Variants in ANXA8 observed in about 807,000 individuals in gnomAD.
ANXA8 encodes the protein VAC-beta.
Under a neutral mutation model 26.8 loss-of-function variants are expected in ANXA8, and 9 were observed. The observed-to-expected ratio is 0.34, with a 90% confidence interval of 0.20 to 0.59. The LOEUF (loss-of-function observed/expected upper bound fraction) is 0.59, where lower values mean the gene tolerates loss of function less well. Among genes scored for constraint, ANXA8 ranks in the 20% least tolerant of loss-of-function variants. ANXA8 has a pLI of 0.84. For missense variants in ANXA8, 83 were observed against 238.5 expected (o/e 0.35, Z 4.29); for synonymous variants, 39 against 94.8 (o/e 0.41, Z 3.42).
the ANXA8 span, among the ~76,000 whole-genome samples, chr10:47,660,808 CAAAAAAAAAAA>C: frequency 6.6e-5 from 4 of 61,018 alleles, no homozygotes; most frequent in African/African-American, 2.1e-4. Context: ...CACTGACTGT[CAAAAAAAAAAA>C]AAAAAAAAAG....
chr10:47,699,344 CAAAAAAAAAAA>C, the ANXA8 span, among the ~76,000 whole-genome samples: 1 of 54,204 alleles, frequency 1.8e-5, no homozygotes, highest in African/African-American at 7.4e-5. Flanking sequence ...ATTCTGTCTC[CAAAAAAAAAAA>C]AAAAAAAAAA....
the ANXA8 span, chr10:47,588,979 A>C: frequency 6.9e-6 from 1 of 144,394 alleles, no homozygotes; most frequent in African/African-American, 2.9e-5. Context: ...ACTCCTGGTT[A>C]ATTTTTGTAT....
the ANXA8 span, among the ~76,000 whole-genome samples, chr10:47,650,888 C>A: frequency 7.7e-4 from 107 of 139,542 alleles, no homozygotes; most frequent in African/African-American, 2.0e-3. Flanking sequence ...ACATGAAATA[C>A]ACACATGAAA....
At chr10:47,584,128 G>A in the ANXA8 span, among the ~76,000 whole-genome samples, 3 of 148,832 alleles carry the variant, frequency 2.0e-5, no homozygotes, top group Admixed American at 2.0e-4. Context: ...ATAGTGAGCC[G>A]AGATCGCACC....
At chr10:47,544,043 C>G in the ANXA8 span, among the ~76,000 whole-genome samples, 1 of 150,948 alleles carries the variant, frequency 6.6e-6, no homozygotes, top group East Asian at 2.0e-4. Context: ...AATCACAGCA[C>G]AAAGAAGAGC....
the ANXA8 span, among the ~76,000 whole-genome samples, chr10:47,595,697 C>A: frequency 6.7e-6 from 1 of 149,064 alleles, no homozygotes; most frequent in Non-Finnish European, 1.5e-5. Context: ...GGGCTCAATT[C>A]AATAAGAATA....
At chr10:47,522,291 C>G in the ANXA8 span, among the ~76,000 whole-genome samples, 4 of 145,376 alleles carry the variant, frequency 2.8e-5, no homozygotes, top group African/African-American at 2.6e-5. Flanking sequence ...TCTTTTAGAA[C>G]AAGGAGGTAA....
the ANXA8 span, among the ~76,000 whole-genome samples, chr10:47,951,250 A>G: frequency 6.6e-6 from 1 of 150,602 alleles, no homozygotes; most frequent in African/African-American, 2.5e-5. Context: ...GAAAAAATAG[A>G]TAATCTGAAT....
chr10:47,733,207 T>TTCTCTCTCTCTCTCTC, the ANXA8 span, among the ~76,000 whole-genome samples: 2 of 90,042 alleles, frequency 2.2e-5, no homozygotes, highest in African/African-American at 8.1e-5. Flanking sequence ...CTTTCTTTCT[T>TTCTCTCTCTCTCTCTC]TCTTTCTTTC....
the ANXA8 span, among the ~76,000 whole-genome samples, chr10:47,660,658 C>T: frequency 6.6e-6 from 1 of 151,742 alleles, no homozygotes; most frequent in East Asian, 1.9e-4. Context: ...GCCTCGGTCT[C>T]CCAAAGTTCT....
chr10:47,705,692 T>C, the ANXA8 span, among the ~76,000 whole-genome samples: 1 of 151,852 alleles, frequency 6.6e-6, no homozygotes, highest in African/African-American at 2.4e-5. Flanking sequence ...CAGGAATTTA[T>C]GGTGCTTTAT....
chr10:47,522,037 A>T, the ANXA8 span, among the ~76,000 whole-genome samples: 1 of 150,660 alleles, frequency 6.6e-6, no homozygotes, highest in Non-Finnish European at 1.5e-5. Flanking sequence ...TCCGCCTGCC[A>T]CAGCCTCCCA....
At chr10:47,980,011 C>T in the ANXA8 span, among the ~76,000 whole-genome samples, 3 of 151,142 alleles carry the variant, frequency 2.0e-5, no homozygotes, top group African/African-American at 7.2e-5. Flanking sequence ...AAAACACATA[C>T]ATGTATATTC....
the ANXA8 span, among the ~76,000 whole-genome samples, chr10:47,942,150 C>CTTTTTTTTT: frequency 1.4e-5 from 2 of 147,130 alleles, 1 homozygote; most frequent in African/African-American, 5.2e-5. Context: ...ATTGTAGTAA[C>CTTTTTTTTT]ATTTTTGTTT....
Position 47,484,094 on chromosome 10 carries a change from C to A in ANXA8, c.-161G>T. The A allele has an allele frequency of 6.3e-7, 1 of 1,578,524 alleles. No homozygotes were observed. The highest frequency in any genetic ancestry group is 8.7e-7 in the Non-Finnish European group (1 of 1,152,668). On this transcript the variant is annotated 5_prime_UTR_variant, in exon 1 of 12. Coordinates refer to ENST00000585281, the MANE Select transcript of ANXA8 (RefSeq NM_001040084.3). ...CCAGGGCAGCGCCACACCTGCCTGCCGTCCCCTCGCCCCCGGGCTCTGCCT... is the reference window on the plus strand; with the variant it reads ...CCAGGGCAGCGCCACACCTGCCTGCAGTCCCCTCGCCCCCGGGCTCTGCCT...
At chr10:47,554,157 C>G in the ANXA8 span, among the ~76,000 whole-genome samples, 2 of 53,786 alleles carry the variant, frequency 3.7e-5, no homozygotes, top group Non-Finnish European at 6.6e-5. Context: ...AAAAATAAAG[C>G]CAGCGTCGTG....
At chr10:47,649,973 C>T in the ANXA8 span, among the ~76,000 whole-genome samples, 1 of 150,758 alleles carries the variant, frequency 6.6e-6, no homozygotes, top group East Asian at 2.0e-4. Context: ...TTTGGGAGGC[C>T]AAAGTAGATG....
chr10:47,496,941 G>A, the ANXA8 span, among the ~76,000 whole-genome samples: 1 of 131,884 alleles, frequency 7.6e-6, no homozygotes, highest in African/African-American at 3.0e-5. Flanking sequence ...CCATTGTAAA[G>A]ATACTATCTT....
chr10:47,675,070 A>C, the ANXA8 span, among the ~76,000 whole-genome samples: 1 of 143,786 alleles, frequency 7.0e-6, no homozygotes, highest in African/African-American at 2.7e-5. Flanking sequence ...GAATGGAGAA[A>C]CCAAGATCTA....
Sources: gnomAD v4.1 joint callset for allele counts (sites outside exome capture counted in the v4.1 genomes callset) on GRCh38, gnomAD v4.1.1 for gene constraint, MANE v1.5 for transcripts, NCBI Gene and HGNC (gene_info 2026-07-23, HGNC 2026-07-21) for gene names.